GRIP1: variants seen among roughly 807,000 people sequenced by gnomAD.
The protein encoded by GRIP1 is glutamate receptor-interacting protein 1.
In GRIP1, 45 loss-of-function variants were observed where a neutral mutation model predicts 129.9. The observed-to-expected ratio is 0.35, with a 90% CI of 0.27 to 0.44. The LOEUF (loss-of-function observed/expected upper bound fraction) is 0.44, where lower values mean the gene tolerates loss of function less well. Ranked by LOEUF, GRIP1 falls within the 20% of genes least tolerant of loss-of-function variation. The pLI is 1.00. For synonymous variants in GRIP1, 530 were observed against 520.8 expected (o/e 1.02, Z -0.24); for missense variants, 1,196 against 1,396.8 (o/e 0.86, Z 2.29).
At chr12:66,550,525 C>T (rs193038068) in intron 2 of GRIP1, among the ~76,000 whole-genome samples, 3 of 152,248 alleles carry the variant, frequency 2.0e-5, no homozygotes, top group Admixed American at 2.0e-4. Flanking sequence ...AAGCAGTGAA[C>T]GCTTGTCCCA....
intron 1 of GRIP1, among the ~76,000 whole-genome samples, chr12:66,946,461 C>A (rs962576443): frequency 2.6e-5 from 4 of 152,010 alleles, no homozygotes; most frequent in African/African-American, 9.7e-5. Context: ...TGATGAACAT[C>A]AATTTTTAAA....
chr12:66,443,918 G>A (rs1303112921), intron 13 of GRIP1, among the ~76,000 whole-genome samples: 1 of 152,192 alleles, frequency 6.6e-6, no homozygotes, highest in Non-Finnish European at 1.5e-5. Flanking sequence ...GCTCTCAAAA[G>A]AAGTTTCATG....
chr12:66,483,670 A>T (rs1407500336), intron 7 of GRIP1, among the ~76,000 whole-genome samples: 1 of 152,180 alleles, frequency 6.6e-6, no homozygotes, highest in Non-Finnish European at 1.5e-5. Context: ...ATAGTATTTT[A>T]AAAACTTTTT....
At chr12:67,044,000 C>A (rs12580945) in intron 1 of GRIP1, among the ~76,000 whole-genome samples, 1 of 152,028 alleles carries the variant, frequency 6.6e-6, no homozygotes, top group Non-Finnish European at 1.5e-5. Context: ...ATTCCACCCA[C>A]GGGTAAAGCT....
chr12:66,982,726 C>T (rs2042256852), intron 1 of GRIP1, among the ~76,000 whole-genome samples: 1 of 152,148 alleles, frequency 6.6e-6, no homozygotes, highest in Non-Finnish European at 1.5e-5. Context: ...AAACTACAGC[C>T]CCAACTGATG....
At chr12:66,990,238 T>A (rs1431708582) in intron 1 of GRIP1, among the ~76,000 whole-genome samples, 2 of 152,196 alleles carry the variant, frequency 1.3e-5, no homozygotes, top group African/African-American at 4.8e-5. Context: ...AGAACTTACA[T>A]TTTTAAATGG....
At chr12:66,575,805 C>T (rs548803260) in intron 2 of GRIP1, among the ~76,000 whole-genome samples, 24 of 152,218 alleles carry the variant, frequency 1.6e-4, no homozygotes, top group African/African-American at 5.8e-4. Context: ...TACTCAGTTC[C>T]AATGTTGTAC....
intron 1 of GRIP1, chr12:66,804,029 C>A (rs986206096): frequency 4.6e-6 from 2 of 438,142 alleles, no homozygotes; most frequent in Non-Finnish European, 9.2e-6. Context: ...GAGAAGGAAC[C>A]GGAGGATGGA....
At chr12:67,047,361 C>T (rs968568283) in intron 1 of GRIP1, among the ~76,000 whole-genome samples, 2 of 152,104 alleles carry the variant, frequency 1.3e-5, no homozygotes, top group African/African-American at 4.8e-5. Context: ...AATTTATCCA[C>T]AATCCAATTG....
intron 9 of GRIP1, among the ~76,000 whole-genome samples, chr12:66,459,221 C>T (rs2059062323): frequency 6.6e-6 from 1 of 152,138 alleles, no homozygotes; most frequent in African/African-American, 2.4e-5. Context: ...GCCAGAGTGT[C>T]CATGTGAACA....
chr12:66,789,499 T>C (rs1452863277), intron 1 of GRIP1, among the ~76,000 whole-genome samples: 1 of 152,182 alleles, frequency 6.6e-6, no homozygotes, highest in Non-Finnish European at 1.5e-5. Flanking sequence ...TGTTATAGCA[T>C]TGTAAAATTT....
intron 14 of GRIP1, among the ~76,000 whole-genome samples, chr12:66,424,564 TCCC>T (rs2057919171): frequency 6.6e-6 from 1 of 152,158 alleles, no homozygotes; most frequent in Admixed American, 6.5e-5. Flanking sequence ...ACCCTTCTTG[TCCC>T]CCCATTTTCC....
intron 1 of GRIP1, among the ~76,000 whole-genome samples, chr12:66,607,392 G>A (rs1163479535): frequency 6.6e-6 from 1 of 152,202 alleles, no homozygotes; most frequent in Non-Finnish European, 1.5e-5. Context: ...TCTACAGATA[G>A]AGGATTTATG....
chr12:66,738,957 T>A (rs868854295), intron 1 of GRIP1, among the ~76,000 whole-genome samples: 3 of 152,210 alleles, frequency 2.0e-5, no homozygotes, highest in Admixed American at 2.0e-4. Flanking sequence ...TCCTTCACTT[T>A]GTTCAGAGGT....
intron 1 of GRIP1, among the ~76,000 whole-genome samples, chr12:67,049,208 A>C (rs138170116): frequency 9.8e-5 from 15 of 152,326 alleles, no homozygotes; most frequent in African/African-American, 3.6e-4. Flanking sequence ...TTTCATAAAC[A>C]ATTTCCCATG....
chr12:66,615,896 C>T (rs1346167926), intron 1 of GRIP1, among the ~76,000 whole-genome samples: 2 of 152,172 alleles, frequency 1.3e-5, no homozygotes, highest in Non-Finnish European at 2.9e-5. Context: ...CCACCCGCCT[C>T]AGCCTCCCAA....
chr12:66,825,852 C>G (rs1466895049), intron 1 of GRIP1, among the ~76,000 whole-genome samples: 1 of 152,176 alleles, frequency 6.6e-6, no homozygotes, highest in Non-Finnish European at 1.5e-5. Flanking sequence ...TACTTTGACA[C>G]TGTTGTTGGG....
intron 7 of GRIP1, among the ~76,000 whole-genome samples, chr12:66,477,071 A>G (rs1206252245): frequency 5.3e-5 from 8 of 152,210 alleles, no homozygotes; most frequent in African/African-American, 1.9e-4. Context: ...TCAATTAGGA[A>G]AAGAGGAAGT....
intron 2 of GRIP1, among the ~76,000 whole-genome samples, chr12:66,580,033 A>C (rs915512054): frequency 6.7e-6 from 1 of 149,258 alleles, no homozygotes; most frequent in East Asian, 1.9e-4. Flanking sequence ...CACAAAGGGA[A>C]GCCCATCAGA....
Sources: allele counts gnomAD v4.1 joint callset (sites outside exome capture counted in the v4.1 genomes callset), GRCh38; gene constraint gnomAD v4.1.1; transcripts MANE v1.5; gene names NCBI Gene and HGNC (gene_info 2026-07-23, HGNC 2026-07-21).